The following ROBO1 variants were observed in gnomAD, a reference collection of about 807,000 sequenced individuals.
ROBO1 encodes roundabout guidance receptor 1.
A neutral mutation model predicts 195.9 loss-of-function variants in ROBO1; 149 were observed. The ratio of observed to expected loss-of-function variants is 0.76; its 90% CI spans 0.67 to 0.87. The LOEUF (loss-of-function observed/expected upper bound fraction) is 0.87, where lower values mean the gene tolerates loss of function less well. Among genes scored for constraint, ROBO1 ranks in the 40% least tolerant of loss-of-function variants. ROBO1 has a pLI of 0.00. For synonymous variants in ROBO1, 816 were observed against 733.2 expected (o/e 1.11, Z -1.82); for missense variants, 1,933 against 2,068.3 (o/e 0.93, Z 1.27).
intron 4 of ROBO1, among the ~76,000 whole-genome samples, chr3:78,749,767 T>C (rs918631951): frequency 6.6e-6 from 1 of 152,192 alleles, no homozygotes; most frequent in Non-Finnish European, 1.5e-5. Flanking sequence ...AAAGCATCCA[T>C]AAGTATTCCC....
chr3:78,728,227 A>G (rs939659082), intron 5 of ROBO1, among the ~76,000 whole-genome samples: 5 of 152,132 alleles, frequency 3.3e-5, no homozygotes, highest in Non-Finnish European at 7.3e-5. Context: ...GAAAAGGAGG[A>G]AGGAGAAATG....
At chr3:78,764,021 G>A (rs758078285) in intron 4 of ROBO1, among the ~76,000 whole-genome samples, 2 of 152,092 alleles carry the variant, frequency 1.3e-5, no homozygotes, top group African/African-American at 2.4e-5. Flanking sequence ...AGAAGCTGAC[G>A]GGTTTGGATA....
intron 10 of ROBO1, among the ~76,000 whole-genome samples, chr3:78,672,258 A>C (rs1708106233): frequency 6.6e-6 from 1 of 151,818 alleles, no homozygotes; most frequent in African/African-American, 2.4e-5. Flanking sequence ...CAACAACAAC[A>C]ACAAAAAAAA....
At chr3:79,238,582 A>G (rs1301303644) in intron 2 of ROBO1, among the ~76,000 whole-genome samples, 2 of 152,180 alleles carry the variant, frequency 1.3e-5, no homozygotes, top group African/African-American at 4.8e-5. Flanking sequence ...GGAGATAGTA[A>G]TAGTTTTTGC....
At chr3:79,090,357 T>G (rs1473194884) in intron 3 of ROBO1, among the ~76,000 whole-genome samples, 2 of 152,136 alleles carry the variant, frequency 1.3e-5, no homozygotes, top group Non-Finnish European at 2.9e-5. Context: ...TCTTAAATAG[T>G]GTCTAAAATA....
intron 2 of ROBO1, among the ~76,000 whole-genome samples, chr3:79,209,804 G>A (rs188086719): frequency 7.0e-4 from 106 of 152,142 alleles, no homozygotes; most frequent in Middle Eastern, 3.4e-3. Flanking sequence ...AGACTCATCC[G>A]AAAAGCTCCT....
chr3:78,635,215 C>A (rs112429663), intron 23 of ROBO1, among the ~76,000 whole-genome samples: 2 of 152,098 alleles, frequency 1.3e-5, no homozygotes, highest in African/African-American at 4.8e-5. Flanking sequence ...AGGTTCTATA[C>A]GGACAGACTT....
chr3:78,934,910 G>A (rs910925075), intron 4 of ROBO1, among the ~76,000 whole-genome samples: 5 of 151,668 alleles, frequency 3.3e-5, no homozygotes, highest in Non-Finnish European at 2.9e-5. Flanking sequence ...CATCTTCCAC[G>A]GACTAGATTT....
intron 1 of ROBO1, among the ~76,000 whole-genome samples, chr3:79,630,441 C>A (rs1945304336): frequency 6.6e-6 from 1 of 151,902 alleles, no homozygotes; most frequent in Non-Finnish European, 1.5e-5. Flanking sequence ...AAATCCAACA[C>A]CCTCTCATGT....
At chr3:79,662,076 T>A (rs993039673) in intron 1 of ROBO1, among the ~76,000 whole-genome samples, 2 of 152,068 alleles carry the variant, frequency 1.3e-5, no homozygotes, top group African/African-American at 4.8e-5. Context: ...GAGTCACTCA[T>A]CCTGAAAGTG....
At chr3:79,208,566 G>C (rs552518265) in intron 2 of ROBO1, among the ~76,000 whole-genome samples, 2 of 152,232 alleles carry the variant, frequency 1.3e-5, no homozygotes, top group African/African-American at 4.8e-5. Context: ...AAAAGAGGTA[G>C]AGTGAGAGAA....
rs532903511 is a variant in ROBO1, at chr3:78,860,078, C to CAA, written c.499+78521_499+78522dup. 1.9e-3 allele frequency among the ~76,000 whole-genome samples: 145 copies of CAA among 77,074 alleles called. 3 individuals carry two copies. The highest frequency in any genetic ancestry group is 5.4e-3 in the African/African-American group (111 of 20,726). The allele number at this position is 77,074 out of a possible 152,430, so 50.6% of individuals were successfully genotyped here. ...TGGGTGACAGAGCGAGACTTCGTCTCAAAAAAAAAAAAAAGACACAAGGGG... is the reference window on the plus strand; with the variant it reads ...TGGGTGACAGAGCGAGACTTCGTCTCAAAAAAAAAAAAAAAAGACACAAGGGG... On this transcript the variant is annotated intron_variant, in intron 4 of 30. Transcript: ENST00000464233.
At chr3:79,127,007 GA>G (rs1269968139) in intron 2 of ROBO1, among the ~76,000 whole-genome samples, 3,489 of 104,750 alleles carry the variant, frequency 0.033, 96 homozygotes, top group African/African-American at 0.097. Flanking sequence ...TGGCTAAAAC[GA>G]AAAAAAAAAA....
At chr3:78,689,563 G>T (rs1364443276) in intron 8 of ROBO1, among the ~76,000 whole-genome samples, 1 of 151,224 alleles carries the variant, frequency 6.6e-6, no homozygotes, top group East Asian at 1.9e-4. Flanking sequence ...GCTGAGCTTT[G>T]TGCTCGGAAA....
chr3:79,564,613 T>C (rs544300018), intron 2 of ROBO1, among the ~76,000 whole-genome samples: 5 of 152,192 alleles, frequency 3.3e-5, no homozygotes, highest in East Asian at 3.9e-4. Flanking sequence ...ATAATTATTT[T>C]TGTTATAATT....
intron 1 of ROBO1, among the ~76,000 whole-genome samples, chr3:79,707,937 A>G (rs759282840): frequency 1.3e-5 from 2 of 152,220 alleles, no homozygotes; most frequent in Non-Finnish European, 2.9e-5. Flanking sequence ...AGAAGAGTAT[A>G]ACATAACTTA....
intron 4 of ROBO1, among the ~76,000 whole-genome samples, chr3:78,764,108 C>T (rs909829825): frequency 6.6e-6 from 1 of 151,978 alleles, no homozygotes; most frequent in Non-Finnish European, 1.5e-5. Context: ...TTTCATTAAA[C>T]AGAAAAAAAT....
intron 1 of ROBO1, among the ~76,000 whole-genome samples, chr3:79,762,516 G>A (rs1433911101): frequency 7.5e-6 from 1 of 133,300 alleles, no homozygotes; most frequent in African/African-American, 2.6e-5. Context: ...TTAACATGAA[G>A]GTCTTCACAG....
intron 1 of ROBO1, among the ~76,000 whole-genome samples, chr3:79,713,829 A>G (rs1157971354): frequency 9.9e-5 from 15 of 152,182 alleles, no homozygotes. Context: ...CAGTTTTCCC[A>G]GCACCATTTA....
Sources: allele counts gnomAD v4.1 joint callset (sites outside exome capture counted in the v4.1 genomes callset), GRCh38; gene constraint gnomAD v4.1.1; transcripts MANE v1.5; gene names NCBI Gene and HGNC (gene_info 2026-07-23, HGNC 2026-07-21).